Variants in HYDIN observed in about 807,000 individuals in gnomAD.
HYDIN encodes the protein axonemal central pair apparatus protein HYDIN.
In HYDIN, 132 loss-of-function variants were observed where a neutral mutation model predicts 403.9. The observed-to-expected ratio is 0.33, with a 90% CI of 0.28 to 0.38. HYDIN has a LOEUF of 0.38. Among genes scored for constraint, HYDIN ranks in the 10% least tolerant of loss-of-function variants. The pLI, the probability that HYDIN is intolerant of heterozygous loss-of-function variation, is 1.00. For missense variants in HYDIN, 2,827 were observed against 5,009.5 expected (o/e 0.56, Z 13.15); for synonymous variants, 1,202 against 1,891.7 (o/e 0.64, Z 9.46).
chr16:71,099,858 C>A (rs2083401825), intron 10 of HYDIN, among the ~76,000 whole-genome samples: 1 of 151,932 alleles, frequency 6.6e-6, no homozygotes, highest in African/African-American at 2.4e-5. Context: ...AAAAAGTTAG[C>A]CAGGCATCAT....
chr16:71,171,942 G>A (rs1454009837), intron 5 of HYDIN, among the ~76,000 whole-genome samples: 1 of 152,176 alleles, frequency 6.6e-6, no homozygotes, highest in Non-Finnish European at 1.5e-5. Context: ...GGCTACAGGG[G>A]TGATCCAGAT....
chr16:70,925,922 C>T, intron 45 of HYDIN, among the ~76,000 whole-genome samples: 1 of 149,942 alleles, frequency 6.7e-6, no homozygotes, highest in Admixed American at 6.6e-5. Context: ...TATCATCTCA[C>T]ACCAGTTAGA....
intron 3 of HYDIN, among the ~76,000 whole-genome samples, chr16:71,179,890 T>C (rs982905480): frequency 1.3e-5 from 2 of 152,230 alleles, no homozygotes; most frequent in African/African-American, 4.8e-5. Context: ...GACTATCCAA[T>C]GATGCCCTGT....
intron 7 of HYDIN, among the ~76,000 whole-genome samples, chr16:71,150,414 T>C (rs1329226724): frequency 6.6e-6 from 1 of 151,232 alleles, no homozygotes; most frequent in Non-Finnish European, 1.5e-5. Flanking sequence ...TAAAAATGAA[T>C]GAATAACAGT....
chr16:71,056,241 A>G (rs2081888311), intron 18 of HYDIN, among the ~76,000 whole-genome samples: 1 of 150,532 alleles, frequency 6.6e-6, no homozygotes. Context: ...AGGTGCAGGC[A>G]TTCCAAAGCA....
intron 85 of HYDIN, among the ~76,000 whole-genome samples, chr16:70,809,515 C>T (rs760950277): frequency 1.2e-4 from 18 of 152,110 alleles, no homozygotes; most frequent in Middle Eastern, 3.4e-3. Flanking sequence ...GATCACTGGG[C>T]GTGCTGTGTG....
intron 60 of HYDIN, among the ~76,000 whole-genome samples, chr16:70,881,585 G>A: frequency 7.2e-6 from 1 of 139,612 alleles, no homozygotes. Context: ...TCCAGCCTGG[G>A]CGACAGAGCA....
At chr16:71,021,673 G>A (rs1177221165) in intron 21 of HYDIN, among the ~76,000 whole-genome samples, 1 of 152,028 alleles carries the variant, frequency 6.6e-6, no homozygotes, top group African/African-American at 2.4e-5. Flanking sequence ...GTGACCAGGA[G>A]CCTCAATCTT....
At chr16:70,956,507 T>C (rs1180386205) in intron 39 of HYDIN, among the ~76,000 whole-genome samples, 1 of 152,174 alleles carries the variant, frequency 6.6e-6, no homozygotes, top group African/African-American at 2.4e-5. Flanking sequence ...TTTACAGATC[T>C]TGATATGGGG....
chr16:71,180,637 A>AT (rs2086862676), intron 3 of HYDIN, among the ~76,000 whole-genome samples: 1 of 152,046 alleles, frequency 6.6e-6, no homozygotes, highest in Non-Finnish European at 1.5e-5. Flanking sequence ...AAGAGAAAAA[A>AT]AATTTGCAAA....
rs66689823 is a variant in HYDIN, at chr16:71,061,861, AGTGTGTGTGTGTGTGTGT to A, written c.2376+290_2376+307del. On this transcript the variant is annotated intron_variant, in intron 17 of 85. Coordinates refer to ENST00000393567, the MANE Select transcript of HYDIN (RefSeq NM_001270974.2). Reference sequence around the variant, plus strand: ...TGGAGAGGGGTCAGGCATGTGTGACAGTGTGTGTGTGTGTGTGTGTGTGTGTGTGTGTGTCAGAGAGAG... The same window carrying A: ...TGGAGAGGGGTCAGGCATGTGTGACAGTGTGTGTGTGTGTGTCAGAGAGAG... Among the ~76,000 whole-genome samples the A allele has an allele frequency of 5.2e-4, 75 of 144,076 alleles. 1 individual carries two copies. The highest frequency in any genetic ancestry group is 1.7e-3 in the African/African-American group (65 of 38,152). The allele number at this position is 144,076 out of a possible 152,430, so 94.5% of individuals were successfully genotyped here.
chr16:70,850,037 T>C (rs1370980172), intron 74 of HYDIN, 90 bp from the exon 75 acceptor site: 6 of 598,406 alleles, frequency 1.0e-5, no homozygotes, highest in East Asian at 8.3e-5. Flanking sequence ...AAATATCCTT[T>C]GGGAAATAAG....
intron 84 of HYDIN, among the ~76,000 whole-genome samples, chr16:70,811,912 T>C (rs2035534728): frequency 9.4e-6 from 1 of 105,936 alleles, no homozygotes; most frequent in Non-Finnish European, 1.8e-5. Context: ...TTAGTTCTAT[T>C]AATATAACCA....
intron 23 of HYDIN, among the ~76,000 whole-genome samples, chr16:71,009,709 G>A (rs1470345231): frequency 7.1e-6 from 1 of 141,020 alleles, no homozygotes; most frequent in Non-Finnish European, 1.5e-5. Context: ...GCCCTTATAT[G>A]AGGGAGGCAG....
chr16:71,097,762 A>C (rs532965114), intron 10 of HYDIN, among the ~76,000 whole-genome samples: 1 of 149,722 alleles, frequency 6.7e-6, no homozygotes, highest in South Asian at 2.2e-4. Context: ...TCTCTAAGGA[A>C]AGAGGATATA....
chr16:70,857,852 G>T lies in HYDIN; in HGVS notation c.12148C>A (p.Pro4050Thr), dbSNP rs771465983. The change falls in exon 72 of 86, where the codon CCT becomes ACT. Residue 4050 changes from proline to threonine, a missense_variant. Physicochemically the swap from Pro to Thr is conservative, Grantham distance 38. Coordinates refer to ENST00000393567, the MANE Select transcript of HYDIN (RefSeq NM_001270974.2). ...KKAEIVFQFT[P>T]FHLGITESSW... Reference sequence around the variant, plus strand: ...GACTCAGTGATGCCCAGATGGAAAGGTGTGAACTGGAACACGATCTAACAA... The same window carrying T: ...GACTCAGTGATGCCCAGATGGAAAGTTGTGAACTGGAACACGATCTAACAA... 3.7e-6 allele frequency: 6 copies of T among 1,613,326 alleles called. No individual in the cohort carries two copies. Among genetic ancestry groups the T allele is most frequent in the South Asian group, 1.1e-5 (1 of 90,902 alleles).
intron 10 of HYDIN, among the ~76,000 whole-genome samples, 166 bp downstream of exon 10, chr16:71,115,530 G>T (rs575255536): frequency 6.6e-6 from 1 of 152,034 alleles, no homozygotes; most frequent in African/African-American, 2.4e-5. Context: ...GAAGTGAGAG[G>T]GGCATAGCTT....
intron 15 of HYDIN, 38 bp from the exon 16 acceptor site, chr16:71,064,878 A>G (rs1361578873): frequency 6.3e-7 from 1 of 1,599,564 alleles, no homozygotes. Context: ...CAAAACAGAG[A>G]GCTTGTTTAC....
intron 1 of HYDIN, among the ~76,000 whole-genome samples, chr16:71,188,455 G>GC (rs1460302067): frequency 1.3e-5 from 2 of 152,062 alleles, no homozygotes; most frequent in Non-Finnish European, 1.5e-5. Context: ...AACAACAGAA[G>GC]CAATAAAAAA....
Sources: gnomAD v4.1 joint callset for allele counts (sites outside exome capture counted in the v4.1 genomes callset) on GRCh38, gnomAD v4.1.1 for gene constraint, MANE v1.5 for transcripts, NCBI Gene and HGNC (gene_info 2026-07-23, HGNC 2026-07-21) for gene names.